Variants in NTM observed in about 807,000 individuals in gnomAD.
NTM encodes neurotrimin.
Under a neutral mutation model 42.1 loss-of-function variants are expected in NTM, and 13 were observed. That is an observed-to-expected ratio of 0.31 (90% CI 0.20 to 0.49). The LOEUF is 0.49. Ranked by LOEUF, NTM falls within the 20% of genes least tolerant of loss-of-function variation. NTM has a pLI of 0.99. For missense variants in NTM, 373 were observed against 452.8 expected, an observed-to-expected ratio of 0.82 and a Z score of 1.60; for synonymous variants, 187 against 179.2, an observed-to-expected ratio of 1.04 and a Z score of -0.35.
chr11:132,325,310 A>C (rs1440971655), intron 7 of NTM, among the ~76,000 whole-genome samples: 2 of 151,556 alleles, frequency 1.3e-5, no homozygotes, highest in African/African-American at 4.8e-5. Context: ...CAATGAACTC[A>C]AACAAATTTA....
chr11:132,320,701 G>C (rs1014883338), intron 7 of NTM, among the ~76,000 whole-genome samples: 3 of 152,116 alleles, frequency 2.0e-5, no homozygotes, highest in African/African-American at 7.2e-5. Context: ...GCCTGCCTCT[G>C]TAGGCTCCAC....
chr11:132,231,022 T>A (rs1242722884), intron 4 of NTM, among the ~76,000 whole-genome samples: 1 of 152,156 alleles, frequency 6.6e-6, no homozygotes, highest in Non-Finnish European at 1.5e-5. Flanking sequence ...TCATAATAAT[T>A]GTAATAATAA....
intron 2 of NTM, among the ~76,000 whole-genome samples, chr11:131,963,290 G>A (rs986196572): frequency 6.6e-6 from 1 of 152,200 alleles, no homozygotes; most frequent in Admixed American, 6.5e-5. Flanking sequence ...CTTGGGTTGT[G>A]TTTGCATGAC....
At chr11:131,658,057 G>A (rs954883227) in intron 1 of NTM, among the ~76,000 whole-genome samples, 3 of 152,070 alleles carry the variant, frequency 2.0e-5, no homozygotes, top group Admixed American at 2.0e-4. Flanking sequence ...GGTGGGGTGG[G>A]GAGATAATCG....
chr11:131,772,234 G>T (rs574144761), intron 1 of NTM, among the ~76,000 whole-genome samples: 6 of 152,156 alleles, frequency 3.9e-5, no homozygotes, highest in Non-Finnish European at 5.9e-5. Flanking sequence ...CACGTTCATT[G>T]TTATAGAGTA....
At chr11:131,949,880 G>A (rs2060786186) in intron 2 of NTM, among the ~76,000 whole-genome samples, 1 of 149,232 alleles carries the variant, frequency 6.7e-6, no homozygotes, top group Non-Finnish European at 1.5e-5. Context: ...TCATCCTATT[G>A]AGACTCTCCT....
chr11:132,033,816 C>T (rs1025645617), intron 2 of NTM, among the ~76,000 whole-genome samples: 12 of 152,136 alleles, frequency 7.9e-5, no homozygotes, highest in Middle Eastern at 3.4e-3. Flanking sequence ...GACTGGATTA[C>T]GGGATTTGTT....
At chr11:132,305,785 A>G (rs1286029724) in intron 4 of NTM, among the ~76,000 whole-genome samples, 1 of 152,224 alleles carries the variant, frequency 6.6e-6, no homozygotes, top group African/African-American at 2.4e-5. Flanking sequence ...CAATATTCAT[A>G]AAGGCTACTG....
Position 131,518,944 on chromosome 11 carries a change from A to C in NTM, c.82+148056A>C, listed in dbSNP as rs75698435. Among the ~76,000 whole-genome samples, 300 of 152,322 alleles carry C rather than the reference A, an allele frequency of 2.0e-3. 1 individual carries two copies. Among genetic ancestry groups the C allele is most frequent in the East Asian group, 8.3e-3 (43 of 5,184 alleles). On this transcript the variant is annotated intron_variant, in intron 1 of 8. Coordinates refer to ENST00000683400, the MANE Select transcript of NTM (RefSeq NM_001352005.2). ...GGCATCTCAGATACAGCATCCCACA[A>C]ATGTCCTGTATTGTAGGTGCATTTT... is the stretch of plus-strand genomic sequence containing the variant.
chr11:132,258,837 C>T (rs718851), intron 4 of NTM, among the ~76,000 whole-genome samples: 61,534 of 152,108 alleles, frequency 0.4, 12,881 homozygotes, highest in Middle Eastern at 0.5. Context: ...TGAGTATTCA[C>T]CTGTAAGATA....
At chr11:132,209,730 T>A (rs1183095461) in intron 3 of NTM, among the ~76,000 whole-genome samples, 1 of 151,716 alleles carries the variant, frequency 6.6e-6, no homozygotes, top group Non-Finnish European at 1.5e-5. Context: ...ATTAAAGGGG[T>A]GGTAATTCTC....
chr11:131,717,548 T>C (rs2077840999), intron 1 of NTM, among the ~76,000 whole-genome samples: 1 of 152,208 alleles, frequency 6.6e-6, no homozygotes, highest in Non-Finnish European at 1.5e-5. Context: ...TGTATAGAAA[T>C]ACAACTGATT....
intron 1 of NTM, among the ~76,000 whole-genome samples, chr11:131,800,675 G>T (rs969710194): frequency 9.2e-5 from 14 of 152,160 alleles, no homozygotes; most frequent in Admixed American, 8.5e-4. Flanking sequence ...GATAGCAATT[G>T]CCTAGGTGTT....
chr11:131,901,981 A>G (rs2053224865), intron 1 of NTM, among the ~76,000 whole-genome samples: 1 of 152,218 alleles, frequency 6.6e-6, no homozygotes, highest in Admixed American at 6.5e-5. Flanking sequence ...GGTGCTGCCC[A>G]TGTCAACCCC....
intron 4 of NTM, among the ~76,000 whole-genome samples, chr11:132,263,435 C>T (rs543278557): frequency 2.0e-5 from 3 of 152,344 alleles, no homozygotes; most frequent in South Asian, 4.1e-4. Context: ...CAGAAGTTCT[C>T]CTGCTAGGTC....
intron 1 of NTM, among the ~76,000 whole-genome samples, chr11:131,526,849 A>G (rs2050554583): frequency 6.6e-6 from 1 of 152,212 alleles, no homozygotes; most frequent in South Asian, 2.1e-4. Flanking sequence ...TGGTCACAAA[A>G]GACTGCTGCC....
At chr11:131,646,251 A>C (rs1481297781) in intron 1 of NTM, among the ~76,000 whole-genome samples, 1 of 152,242 alleles carries the variant, frequency 6.6e-6, no homozygotes, top group Non-Finnish European at 1.5e-5. Flanking sequence ...ATCATGAGAC[A>C]ACAGCAGAGC....
intron 2 of NTM, among the ~76,000 whole-genome samples, chr11:132,081,916 C>CCA (rs371974637): frequency 2.0e-4 from 29 of 141,794 alleles, no homozygotes; most frequent in South Asian, 2.2e-4. Flanking sequence ...TATATTCACG[C>CCA]CACACACACA....
rs762873788 is a variant in NTM at position 132,039,285 on chromosome 11, G to A, written c.168-106997G>A. On this transcript the variant is annotated intron_variant, in intron 2 of 8. Coordinates refer to ENST00000683400, the MANE Select transcript of NTM (RefSeq NM_001352005.2). ...AACCTCACCTTCTAATATTTTGTGC[G>A]CTTGACTTATGTATTGCTTACTGCC... Among the ~76,000 whole-genome samples, 8 of 152,172 alleles carry A rather than the reference G, an allele frequency of 5.3e-5. No homozygotes were observed. In the East Asian group the frequency reaches 5.8e-4, roughly 11 times the overall value.
Sources: gnomAD v4.1 joint callset for allele counts (sites outside exome capture counted in the v4.1 genomes callset) on GRCh38, gnomAD v4.1.1 for gene constraint, MANE v1.5 for transcripts, NCBI Gene and HGNC (gene_info 2026-07-23, HGNC 2026-07-21) for gene names.